Variants in ADGRF4 observed in about 807,000 individuals in gnomAD.
ADGRF4 encodes G-protein coupled receptor PGR18.
ADGRF4 carries 63 observed loss-of-function variants against 58.5 expected under a neutral mutation model. The observed-to-expected ratio is 1.08, with a 90% CI of 0.88 to 1.33. The LOEUF is 1.33. Ranked by LOEUF, ADGRF4 falls within the 40% of genes most tolerant of loss-of-function variation. The pLI, the probability that ADGRF4 is intolerant of heterozygous loss-of-function variation, is 0.00. For missense variants in ADGRF4, 931 were observed against 843.9 expected (o/e 1.10, Z -1.28); for synonymous variants, 313 against 295.4 (o/e 1.06, Z -0.61).
In ADGRF4 at chr6:47,707,271, T is replaced by C. The variant is rs766627435; in HGVS notation, c.26T>C (p.Met9Thr). 21 of 1,613,152 alleles carry C rather than the reference T, an allele frequency of 1.3e-5. No individual in the cohort carries two copies. Among genetic ancestry groups the C allele is most frequent in the Admixed American group, 1.7e-5 (1 of 60,026 alleles). The change falls in exon 2 of 10, where the codon ATG becomes ACG. Residue 9 changes from methionine to threonine, a missense_variant. Coordinates refer to ENST00000283303, the MANE Select transcript of ADGRF4 (RefSeq NM_153838.5). ...ATGAAAATGAAGTCCCAGGCAACCA[T>C]GATTTGCTGCTTAGTGTTCTTTCTG... MKMKSQAT[M>T]ICCLVFFLST...
intron 1 of ADGRF4, among the ~76,000 whole-genome samples, chr6:47,703,262 A>G (rs1771629571): frequency 6.6e-6 from 1 of 152,212 alleles, no homozygotes; most frequent in East Asian, 1.9e-4. Flanking sequence ...TCAACCATGG[A>G]TGAATTAGGA....
chr6:47,711,917 T>A (rs1771881723), intron 4 of ADGRF4, among the ~76,000 whole-genome samples: 1 of 152,108 alleles, frequency 6.6e-6, no homozygotes, highest in Admixed American at 6.5e-5. Context: ...TCTGAGTGAG[T>A]CTAGGTAAAA....
At position 47,714,660 on chromosome 6, in the gene ADGRF4, T is replaced by C. The variant is rs763089593; in HGVS notation, c.1415T>C (p.Met472Thr). 3 of 1,614,092 alleles carry C rather than the reference T, an allele frequency of 1.9e-6. No homozygotes were observed. Among genetic ancestry groups the C allele is most frequent in the South Asian group, 1.1e-5 (1 of 91,082 alleles). The change falls in exon 6 of 10, where the codon ATG (methionine) becomes ACG (threonine). Residue 472 changes from methionine to threonine, a missense_variant. Coordinates refer to ENST00000283303, the MANE Select transcript of ADGRF4 (RefSeq NM_153838.5). The part of the protein sequence containing the change: ...HFNIKAQDYN[M>T]CVAVTFFSHF... ...AACATTAAGGCCCAGGACTACAACA[T>C]GTGTGTTGCAGTGACATTTTTCAGC...
intron 1 of ADGRF4, among the ~76,000 whole-genome samples, chr6:47,703,952 C>T (rs1771646978): frequency 1.3e-5 from 2 of 152,098 alleles, no homozygotes; most frequent in Admixed American, 6.6e-5. Context: ...ATGCCAAATA[C>T]TTTCTTTCAA....
intron 5 of ADGRF4, among the ~76,000 whole-genome samples, chr6:47,713,125 T>A (rs532027294): frequency 6.6e-6 from 1 of 152,204 alleles, no homozygotes; most frequent in Non-Finnish European, 1.5e-5. Flanking sequence ...GAAAATCTAA[T>A]GCCTGATGAT....
chr6:47,702,155 C>A (rs1468302953), intron 1 of ADGRF4, among the ~76,000 whole-genome samples: 1 of 152,166 alleles, frequency 6.6e-6, no homozygotes, highest in Admixed American at 6.5e-5. Context: ...TTCTGATTAT[C>A]AAGTGAATTG....
rs115202294 is a variant in ADGRF4, at chr6:47,704,797, G to A, written c.-16-2433G>A. ...AGATAAGTATTTTTACATAAAAATC[G>A]TAAAGATAAAAATTATGCTTTTTTG... On this transcript the variant is annotated intron_variant, in intron 1 of 9. Transcript: ENST00000283303. 4.4e-3 allele frequency among the ~76,000 whole-genome samples: 671 copies of A among 152,158 alleles called. 3 individuals are homozygous for A. Among genetic ancestry groups the A allele is most frequent in the African/African-American group, 0.014 (584 of 41,520 alleles).
chr6:47,705,527 C>G (rs1337621735), intron 1 of ADGRF4, among the ~76,000 whole-genome samples: 1 of 152,214 alleles, frequency 6.6e-6, no homozygotes, highest in Non-Finnish European at 1.5e-5. Context: ...CAGACTTGCT[C>G]TGCCAGATGA....
rs943758625 is a variant in ADGRF4 at position 47,707,291 on chromosome 6, T to C, written c.46T>C (p.Phe16Leu). The C allele has an allele frequency of 2.5e-6, 4 of 1,613,272 alleles. No homozygotes were observed. The highest frequency in any genetic ancestry group is 1.3e-5 in the African/African-American group (1 of 74,918). Reference protein sequence around the residue: ...QATMICCLVFFLSTECSHYRS... With the variant: ...QATMICCLVFLLSTECSHYRS... ...AACCATGATTTGCTGCTTAGTGTTCTTTCTGTCCACAGAATGTTCCCACTA... is the reference window on the plus strand; with the variant it reads ...AACCATGATTTGCTGCTTAGTGTTCCTTCTGTCCACAGAATGTTCCCACTA... The change falls in exon 2 of 10, where the codon TTT becomes CTT. Residue 16 changes from phenylalanine (F) to leucine (L), a missense_variant. Transcript: ENST00000283303.
rs201624852 is a variant in ADGRF4, at chr6:47,699,928, G to A, written c.-17+1134G>A. Among the ~76,000 whole-genome samples the A allele has an allele frequency of 3.3e-3, 389 of 117,766 alleles. 3 individuals are homozygous for A. The highest frequency in any genetic ancestry group is 0.012 in the African/African-American group (378 of 30,668). 77.3% of individuals were successfully genotyped at this position (117,766 alleles called of 152,430 possible). On this transcript the variant is annotated intron_variant, in intron 1 of 9. Transcript: ENST00000283303. ...TACACACACACACACACACACAGAC[G>A]ACACACCCCCCCCCCCAAAATGTGG... is the stretch of plus-strand genomic sequence containing the variant.
chr6:47,699,982 C>T (rs1474955323), intron 1 of ADGRF4, among the ~76,000 whole-genome samples: 1 of 151,148 alleles, frequency 6.6e-6, no homozygotes. Flanking sequence ...TCCTTGCCCT[C>T]TAGTTAACCT....
intron 1 of ADGRF4, among the ~76,000 whole-genome samples, chr6:47,704,286 C>A (rs1316199403): frequency 1.3e-5 from 2 of 152,094 alleles, no homozygotes; most frequent in Admixed American, 1.3e-4. Context: ...TCAGGTCAGC[C>A]TCCCAAAGTG....
At chr6:47,699,903 TACAC>T (rs138771559) in intron 1 of ADGRF4, among the ~76,000 whole-genome samples, 46,646 of 145,990 alleles carry the variant, frequency 0.32, 8,219 homozygotes, top group Middle Eastern at 0.52. Context: ...CACACACACA[TACAC>T]ACACACACAC....
intron 8 of ADGRF4, among the ~76,000 whole-genome samples, chr6:47,717,663 G>A (rs757877159): frequency 6.6e-6 from 1 of 152,240 alleles, no homozygotes; most frequent in Non-Finnish European, 1.5e-5. Context: ...TGAGAAATGA[G>A]TTAGAAATGA....
At chr6:47,713,348 G>C (rs1413609700) in intron 5 of ADGRF4, among the ~76,000 whole-genome samples, 1 of 152,188 alleles carries the variant, frequency 6.6e-6, no homozygotes, top group African/African-American at 2.4e-5. Flanking sequence ...GTTAAACAAA[G>C]TTAGGCAAGT....
intron 1 of ADGRF4, among the ~76,000 whole-genome samples, chr6:47,705,223 G>A (rs118091910): frequency 9.6e-4 from 146 of 152,262 alleles, no homozygotes; most frequent in African/African-American, 3.4e-3. Context: ...TGCCGTGCCC[G>A]GCCTGTCAAA....
intron 4 of ADGRF4, among the ~76,000 whole-genome samples, 173 bp from the exon 5 acceptor site, chr6:47,712,184 C>A (rs546403996): frequency 1.3e-5 from 2 of 152,300 alleles, no homozygotes; most frequent in East Asian, 1.9e-4. Flanking sequence ...AAATCCTCTG[C>A]CTCTTTCTGA....
chr6:47,711,133 A>G (rs1771856783), intron 4 of ADGRF4, among the ~76,000 whole-genome samples: 1 of 151,364 alleles, frequency 6.6e-6, no homozygotes, highest in East Asian at 1.9e-4. Context: ...AAAAAAAGAT[A>G]TGAAACTCAT....
intron 9 of ADGRF4, among the ~76,000 whole-genome samples, chr6:47,718,783 A>G (rs755207724): frequency 3.3e-5 from 5 of 152,254 alleles, no homozygotes; most frequent in Non-Finnish European, 5.9e-5. Flanking sequence ...GATTGGAATT[A>G]CAAAGCAACA....
Sources: gnomAD v4.1 joint callset for allele counts (sites outside exome capture counted in the v4.1 genomes callset) on GRCh38, gnomAD v4.1.1 for gene constraint, MANE v1.5 for transcripts, NCBI Gene and HGNC (gene_info 2026-07-23, HGNC 2026-07-21) for gene names.